The following PBX1 variants were observed in gnomAD, a reference collection of about 807,000 sequenced individuals.
PBX1 encodes the protein PBX homeobox 1, also known as pre-B-cell leukemia transcription factor 1.
Under a neutral mutation model 53.4 loss-of-function variants are expected in PBX1, and 6 were observed. The ratio of observed to expected loss-of-function variants is 0.11; its 90% confidence interval spans 0.06 to 0.22. The LOEUF is 0.22. Among genes scored for constraint, PBX1 ranks in the 10% least tolerant of loss-of-function variants. The pLI is 1.00. For synonymous variants in PBX1, 204 were observed against 212.3 expected (o/e 0.96, Z 0.34); for missense variants, 251 against 551.4 (o/e 0.46, Z 5.46).
At chr1:164,608,465 T>G (rs1656696790) in intron 2 of PBX1, among the ~76,000 whole-genome samples, 1 of 152,200 alleles carries the variant, frequency 6.6e-6, no homozygotes, top group Non-Finnish European at 1.5e-5. Context: ...TTTAATGATT[T>G]TTAACAAAAA....
Position 164,559,710 on chromosome 1 carries a change from T to C in PBX1, c.-113T>C. 1 of 733,480 alleles carries C rather than the reference T, an allele frequency of 1.4e-6. No homozygotes were observed. Among genetic ancestry groups the C allele is most frequent in the African/African-American group, 1.9e-5 (1 of 53,726 alleles). 45.4% of individuals were successfully genotyped at this position (733,480 alleles called of 1,614,324 possible). The stretch of plus-strand genomic sequence containing the variant: ...TCTTCTTTTTTCCCCCTTCCCTGTT[T>C]ATCCTGAAAAGGATTTGAAGACAAG... On this transcript the variant is annotated 5_prime_UTR_variant, in exon 1 of 9. Transcript: ENST00000420696.
intron 2 of PBX1, among the ~76,000 whole-genome samples, chr1:164,610,864 A>C (rs1656874948): frequency 1.3e-5 from 2 of 152,226 alleles, no homozygotes; most frequent in Non-Finnish European, 1.5e-5. Context: ...GAGAAAATCA[A>C]ATTAAATGTT....
chr1:164,657,800 C>A (rs1409077832), intron 2 of PBX1, among the ~76,000 whole-genome samples: 3 of 152,184 alleles, frequency 2.0e-5, no homozygotes, highest in Admixed American at 1.3e-4. Context: ...TTCATTTGCT[C>A]ACCCTGATCT....
At chr1:164,599,377 T>A (rs1479892834) in intron 2 of PBX1, among the ~76,000 whole-genome samples, 1 of 152,034 alleles carries the variant, frequency 6.6e-6, no homozygotes, top group Non-Finnish European at 1.5e-5. Flanking sequence ...CCATTTTTGT[T>A]TCTTTTCTCT....
At chr1:164,842,127 C>T (rs1053840511) in intron 8 of PBX1, among the ~76,000 whole-genome samples, 2 of 152,082 alleles carry the variant, frequency 1.3e-5, no homozygotes, top group East Asian at 1.9e-4. Flanking sequence ...GCCCTGCAGC[C>T]GCTGCTCAGG....
chr1:164,816,505 C>T (rs1669886017), intron 6 of PBX1: 1 of 152,096 alleles, frequency 6.6e-6, no homozygotes, highest in Admixed American at 6.6e-5. Flanking sequence ...ACACTGAATT[C>T]CTTAAAAGGA....
intron 2 of PBX1, among the ~76,000 whole-genome samples, chr1:164,868,077 G>A (rs1672261477): frequency 6.6e-6 from 1 of 152,212 alleles, no homozygotes; most frequent in Non-Finnish European, 1.5e-5. Context: ...CATTTCATGT[G>A]GGAGGAAGAA....
chr1:164,598,750 AT>A (rs1468268305), intron 2 of PBX1, among the ~76,000 whole-genome samples: 1 of 152,072 alleles, frequency 6.6e-6, no homozygotes, highest in Non-Finnish European at 1.5e-5. Flanking sequence ...GGGCAGCCAA[AT>A]TTTTCATAAA....
intron 2 of PBX1, among the ~76,000 whole-genome samples, chr1:164,589,900 G>A (rs1655240956): frequency 6.6e-6 from 1 of 152,154 alleles, no homozygotes; most frequent in African/African-American, 2.4e-5. Flanking sequence ...CTCACACGGA[G>A]CCTCCCGTAA....
At chr1:164,636,545 C>T (rs1021201253) in intron 2 of PBX1, among the ~76,000 whole-genome samples, 1 of 152,096 alleles carries the variant, frequency 6.6e-6, no homozygotes, top group South Asian at 2.1e-4. Context: ...AGTATTTCCT[C>T]TTGATTTTTA....
chr1:164,787,115 TGTG>T (rs1199859710), intron 2 of PBX1, among the ~76,000 whole-genome samples: 1 of 152,134 alleles, frequency 6.6e-6, no homozygotes, highest in Non-Finnish European at 1.5e-5. Context: ...TCTGGTAGGA[TGTG>T]GTAAAGACTG....
intron 8 of PBX1, among the ~76,000 whole-genome samples, chr1:164,837,450 G>A (rs1297317541): frequency 1.3e-5 from 2 of 152,144 alleles, no homozygotes; most frequent in Non-Finnish European, 2.9e-5. Context: ...GCATCTGTGT[G>A]TCTGTCTATA....
At chr1:164,628,903 T>G (rs748742693) in intron 2 of PBX1, among the ~76,000 whole-genome samples, 4 of 152,188 alleles carry the variant, frequency 2.6e-5, no homozygotes, top group Non-Finnish European at 5.9e-5. Context: ...GGCCACATAT[T>G]GTCTTTTTCT....
At chr1:164,777,701 C>T (rs190953231) in intron 2 of PBX1, among the ~76,000 whole-genome samples, 1 of 152,316 alleles carries the variant, frequency 6.6e-6, no homozygotes, top group African/African-American at 2.4e-5. Flanking sequence ...CCTGTCTGAT[C>T]TCCAACCTGT....
chr1:164,862,730 TC>T (rs1672129621), intron 2 of PBX1, among the ~76,000 whole-genome samples: 1 of 152,106 alleles, frequency 6.6e-6, no homozygotes, highest in Non-Finnish European at 1.5e-5. Flanking sequence ...CTTGGCTACT[TC>T]CCCAGCACTC....
rs1671781479 is a variant in PBX1 at position 164,850,501 on chromosome 1, GGTTT to G, written c.*3830_*3833del. The G allele has an allele frequency of 5.1e-6, 1 of 196,894 alleles. No homozygotes were observed. Among genetic ancestry groups the G allele is most frequent in the Non-Finnish European group, 1.0e-5 (1 of 95,290 alleles). The allele number at this position is 196,894 out of a possible 1,614,324, so 12.2% of individuals were successfully genotyped here. On this transcript the variant is annotated 3_prime_UTR_variant, in exon 9 of 9. Coordinates refer to ENST00000420696, the MANE Select transcript of PBX1 (RefSeq NM_002585.4). ...AAATGTTTTGTTTTGTGTTATTTTT[GGTTT>G]GTTTATTGGGGGGCTTTTTTTAATT...
chr1:164,761,123 T>G (rs1008030254), intron 2 of PBX1, among the ~76,000 whole-genome samples: 4 of 152,168 alleles, frequency 2.6e-5, no homozygotes, highest in Non-Finnish European at 5.9e-5. Context: ...ACTTCCCTCC[T>G]CCATACCCTT....
intron 2 of PBX1, among the ~76,000 whole-genome samples, chr1:164,786,724 C>CGT (rs1553246261): frequency 5.6e-5 from 8 of 142,622 alleles, no homozygotes; most frequent in African/African-American, 1.7e-4. Flanking sequence ...TGTGTGTGCG[C>CGT]GCGCACACAC....
intron 2 of PBX1, chr1:164,700,697 A>C (rs973683552): frequency 1.0e-6 from 1 of 985,278 alleles, no homozygotes; most frequent in Non-Finnish European, 1.2e-6. Context: ...AGGGGACCCA[A>C]CTCTCCTGGA....
Sources: allele counts gnomAD v4.1 joint callset (sites outside exome capture counted in the v4.1 genomes callset), GRCh38; gene constraint gnomAD v4.1.1; transcripts MANE v1.5; gene names NCBI Gene and HGNC (gene_info 2026-07-23, HGNC 2026-07-21).